ZNF660: variants seen among roughly 807,000 people sequenced by gnomAD.
The protein encoded by ZNF660 is zinc finger protein 660.
In ZNF660, 24 loss-of-function variants were observed where a neutral mutation model predicts 23.2. The observed-to-expected ratio is 1.04, with a 90% CI of 0.75 to 1.46. The LOEUF is 1.46. Among genes scored for constraint, ZNF660 ranks in the 40% most tolerant of loss-of-function variants. The pLI is 0.00. For missense variants in ZNF660, 373 were observed against 396.8 expected (o/e 0.94, Z 0.51); for synonymous variants, 117 against 131.4 (o/e 0.89, Z 0.75).
rs1217026213 is a variant in ZNF660, at chr3:44,594,634, G to A, written c.441G>A (p.Ser147=). Residue 147 remains serine (S), a synonymous_variant, in exon 3 of 3, where the codon TCG becomes TCA. Coordinates refer to ENST00000322734, the MANE Select transcript of ZNF660 (RefSeq NM_173658.4). ...KECGKAFSRS[S]GLISHHRVHT... ...GTGGGAAAGCCTTTAGTCGGAGTTC[G>A]GGCCTTATATCACATCACAGAGTTC... 1.4e-5 allele frequency: 23 copies of A among 1,612,942 alleles called. No homozygotes were observed. Among genetic ancestry groups the A allele is most frequent in the East Asian group, 4.5e-5 (2 of 44,730 alleles).
chr3:44,588,770 C>T (rs1377955977), intron 2 of ZNF660, among the ~76,000 whole-genome samples: 1 of 152,122 alleles, frequency 6.6e-6, no homozygotes, highest in Non-Finnish European at 1.5e-5. Context: ...CGTGCCCGAC[C>T]CTCAGTAAGT....
chr3:44,591,129 G>A (rs1325552015), intron 2 of ZNF660, among the ~76,000 whole-genome samples: 1 of 152,088 alleles, frequency 6.6e-6, no homozygotes, highest in African/African-American at 2.4e-5. Flanking sequence ...CATGGAAATT[G>A]GTCAAACTTT....
rs978134697 is a variant in ZNF660, at chr3:44,597,203, G to A, written c.*2014G>A. On this transcript the variant is annotated 3_prime_UTR_variant, in exon 3 of 3. Coordinates refer to ENST00000322734, the MANE Select transcript of ZNF660 (RefSeq NM_173658.4). This position sits in a 1 kb window ranked among gnomAD's most constrained non-coding sequence, Gnocchi z 4.1. Reference sequence around the variant, plus strand: ...CATGCTTTCTTCATTATACCAAAGTGCCTCTGCCCACCATGGTGGTTCTGT... The same window carrying A: ...CATGCTTTCTTCATTATACCAAAGTACCTCTGCCCACCATGGTGGTTCTGT... 2 of 152,186 alleles carry A rather than the reference G, an allele frequency of 1.3e-5. No homozygotes were observed. The highest frequency in any genetic ancestry group is 4.8e-5 in the African/African-American group (2 of 41,442). 9.4% of individuals were successfully genotyped at this position (152,186 alleles called of 1,614,324 possible). A position where few individuals can be genotyped will look rare whatever the true frequency, so the allele number is the denominator to read the frequency against.
In ZNF660 at chr3:44,594,784, A is replaced by T. The variant is rs1320998227; in HGVS notation, c.591A>T (p.Lys197Asn). Residue 197 changes from lysine to asparagine, a missense_variant, in exon 3 of 3, where the codon AAA becomes AAT. Transcript: ENST00000322734. ...KKVYKCKECG[K>N]TCGSNTKIMD... ...TTTACAAATGTAAGGAGTGTGGGAA[A>T]ACATGTGGTTCTAATACAAAGATTA... 4 of 1,614,028 alleles carry T rather than the reference A, an allele frequency of 2.5e-6. No homozygotes were observed. The African/African-American group carries it at 5.3e-5, about 22-fold the overall frequency.
At position 44,595,660 on chromosome 3, in the gene ZNF660, T is replaced by C. The variant is rs1700585038; in HGVS notation, c.*471T>C. On this transcript the variant is annotated 3_prime_UTR_variant, in exon 3 of 3. Transcript: ENST00000322734. ...GCTTTCTAGATTATCTACATGAGAA[T>C]ATACTAATTTTATATGCAAGAAAAA... 1 of 167,668 alleles carries C rather than the reference T, an allele frequency of 6.0e-6. No individual in the cohort carries two copies. Among genetic ancestry groups the C allele is most frequent in the South Asian group, 2.1e-4 (1 of 4,854 alleles). 10.4% of individuals were successfully genotyped at this position (167,668 alleles called of 1,614,324 possible). A position where few individuals can be genotyped will look rare whatever the true frequency, so the allele number is the denominator to read the frequency against.
intron 2 of ZNF660, among the ~76,000 whole-genome samples, chr3:44,591,611 T>C (rs1700429551): frequency 6.6e-6 from 1 of 152,232 alleles, no homozygotes. Flanking sequence ...ACAACAGAAA[T>C]GTCCAACACT....
chr3:44,595,283 CTACTT>C lies in ZNF660; in HGVS notation c.*95_*99del. On this transcript the variant is annotated 3_prime_UTR_variant, in exon 3 of 3. Transcript: ENST00000322734. ...TAATTCTACTTCTAAGAATCATACT[CTACTT>C]CTAAGAAAATAATTAGAAGTAGACA... is the stretch of plus-strand genomic sequence containing the variant. 2.2e-6 allele frequency: 3 copies of C among 1,349,668 alleles called. No homozygotes were observed. The highest frequency in any genetic ancestry group is 1.5e-5 in the African/African-American group (1 of 68,042). 83.6% of individuals were successfully genotyped at this position (1,349,668 alleles called of 1,614,324 possible).
In ZNF660 at chr3:44,599,355, A is replaced by T. The variant is rs1700723123; in HGVS notation, c.*4166A>T. On this transcript the variant is annotated 3_prime_UTR_variant, in exon 3 of 3. Coordinates refer to ENST00000322734, the MANE Select transcript of ZNF660 (RefSeq NM_173658.4). ...GGAAAGTGTCGCCCTGGACTTAGAA[A>T]TCTTTTTTCATAGATGGTGCGTCCT... The T allele has an allele frequency of 6.6e-6, 1 of 152,218 alleles. No homozygotes were observed. Among genetic ancestry groups the T allele is most frequent in the South Asian group, 2.1e-4 (1 of 4,836 alleles). 9.4% of individuals were successfully genotyped at this position (152,218 alleles called of 1,614,324 possible).
chr3:44,592,536 T>C (rs1379962415), intron 2 of ZNF660, among the ~76,000 whole-genome samples: 1 of 152,200 alleles, frequency 6.6e-6, no homozygotes, highest in Non-Finnish European at 1.5e-5. Context: ...GATGTTTGGT[T>C]TCATGTATTG....
rs762985849 is a variant in ZNF660 at position 44,594,490 on chromosome 3, C to A, written c.297C>A (p.Ile99=). The part of the protein sequence containing the change: ...HSSNLVVHRR[I]HTGLKPYTCS... Reference sequence around the variant, plus strand: ...CTAACCTTGTTGTTCATCGGAGAATCCACACTGGACTGAAGCCCTATACAT... The same window carrying A: ...CTAACCTTGTTGTTCATCGGAGAATACACACTGGACTGAAGCCCTATACAT... The change falls in exon 3 of 3, where the codon ATC becomes ATA. Residue 99 remains isoleucine (I), a synonymous_variant. Transcript: ENST00000322734. 13 of 1,613,940 alleles carry A rather than the reference C, an allele frequency of 8.1e-6. No individual in the cohort carries two copies. In the Admixed American group the frequency reaches 2.0e-4, roughly 25 times the overall value.
chr3:44,593,933 A>G, intron 2 of ZNF660, 81 bp from the exon 3 acceptor site: 2 of 566,092 alleles, frequency 3.5e-6, no homozygotes, highest in Non-Finnish European at 6.7e-6. Context: ...CCATATGGCT[A>G]CCACATCTTG....
Position 44,594,886 on chromosome 3 carries a change from A to G in ZNF660, c.693A>G (p.Lys231=), listed in dbSNP as rs1196542249. 6.2e-7 allele frequency: 1 copy of G among 1,613,990 alleles called. No homozygotes were observed. Among genetic ancestry groups the G allele is most frequent in the Non-Finnish European group, 8.5e-7 (1 of 1,180,036 alleles). The stretch of plus-strand genomic sequence containing the variant: ...GTGGAAAAACTTTCATCTTAAGGAA[A>G]ACTCTTAATGAACACCAGAGACTTC... ...DECGKTFILR[K]TLNEHQRLHR... Residue 231 remains lysine, a synonymous_variant, in exon 3 of 3, where the codon AAA becomes AAG. Transcript: ENST00000322734.
Position 44,598,911 on chromosome 3 carries a change from A to G in ZNF660, c.*3722A>G, listed in dbSNP as rs1484363180. On this transcript the variant is annotated 3_prime_UTR_variant, in exon 3 of 3. Coordinates refer to ENST00000322734, the MANE Select transcript of ZNF660 (RefSeq NM_173658.4). Reference sequence around the variant, plus strand: ...GTACTCAGGAGGCTGAGGGGGGAGGATCACTTGAGCCCAGGAGTTCACTGT... The same window carrying G: ...GTACTCAGGAGGCTGAGGGGGGAGGGTCACTTGAGCCCAGGAGTTCACTGT... 6 of 152,204 alleles carry G rather than the reference A, an allele frequency of 3.9e-5. 1 individual carries two copies. The highest frequency in any genetic ancestry group is 1.5e-5 in the Non-Finnish European group (1 of 68,110). 9.4% of individuals were successfully genotyped at this position (152,204 alleles called of 1,614,324 possible). A position where few individuals can be genotyped will look rare whatever the true frequency, so the allele number is the denominator to read the frequency against.
At position 44,594,016 on chromosome 3, in the gene ZNF660, G is replaced by A. The variant is rs1173236013; in HGVS notation, c.-178G>A. 1.3e-6 allele frequency: 1 copy of A among 777,068 alleles called. No homozygotes were observed. The highest frequency in any genetic ancestry group is 2.2e-6 in the Non-Finnish European group (1 of 445,504). 48.1% of individuals were successfully genotyped at this position (777,068 alleles called of 1,614,324 possible). On this transcript the variant is annotated splice_region_variant and 5_prime_UTR_variant, in exon 3 of 3. It removes an upstream start codon present in the reference 5' UTR. Coordinates refer to ENST00000322734, the MANE Select transcript of ZNF660 (RefSeq NM_173658.4). ...GCAATTTCTGTTTCTCCTGTCAGAT[G>A]GTGAAACTGGGACTGAGGAGGAGTT...
At chr3:44,590,069 G>T (rs1700364038) in intron 2 of ZNF660, among the ~76,000 whole-genome samples, 2 of 140,028 alleles carry the variant, frequency 1.4e-5, no homozygotes, top group African/African-American at 5.4e-5. Context: ...CTTAGTAATT[G>T]CTCCCTCCCT....
At chr3:44,593,871 C>G (rs1700518872) in intron 2 of ZNF660, 143 bp from the exon 3 acceptor site, 1 of 408,466 alleles carries the variant, frequency 2.4e-6, no homozygotes, top group Non-Finnish European at 4.7e-6. Context: ...TGTTTAACTT[C>G]ATTTTTGTCA....
rs777310530 is a variant in ZNF660, at chr3:44,595,594, G to A, written c.*405G>A. 5.8e-6 allele frequency: 1 copy of A among 171,490 alleles called. No homozygotes were observed. The allele number at this position is 171,490 out of a possible 1,614,324, so 10.6% of individuals were successfully genotyped here. A position where few individuals can be genotyped will look rare whatever the true frequency, so the allele number is the denominator to read the frequency against. On this transcript the variant is annotated 3_prime_UTR_variant, in exon 3 of 3. Transcript: ENST00000322734. ...AACAGTGATCATCTCTGGGCGATAG[G>A]ATTATAGGTGATTTCTATTTTCTTC...
chr3:44,591,948 A>C lies in ZNF660; in HGVS notation c.-180-2066A>C, dbSNP rs1371776035. 5.9e-5 allele frequency among the ~76,000 whole-genome samples: 9 copies of C among 152,294 alleles called. No homozygotes were observed. The East Asian group carries it at 1.7e-3, about 29-fold the overall frequency. ...AGGAGGCGGAGGTTGTAGTGAGTGG[A>C]GATTGAACCACTGCACTCTAGCCTG... On this transcript the variant is annotated intron_variant, in intron 2 of 2. Transcript: ENST00000322734.
intron 2 of ZNF660, among the ~76,000 whole-genome samples, chr3:44,588,617 C>G (rs1457430743): frequency 1.3e-5 from 2 of 152,016 alleles, no homozygotes; most frequent in Non-Finnish European, 2.9e-5. Flanking sequence ...CCTCAGCCTC[C>G]CAAGTAGCTG....
Sources: gnomAD v4.1 joint callset for allele counts (sites outside exome capture counted in the v4.1 genomes callset) on GRCh38, gnomAD v4.1.1 for gene constraint, Gnocchi (gnomAD v3.1) non-coding constraint, MANE v1.5 for transcripts, NCBI Gene and HGNC (gene_info 2026-07-23, HGNC 2026-07-21) for gene names.